Variants in LARP1 observed in about 807,000 individuals in gnomAD.
LARP1 encodes la-related protein 1.
In LARP1, 36 loss-of-function variants were observed where a neutral mutation model predicts 122.7. That is an observed-to-expected ratio of 0.29 (90% CI 0.22 to 0.39). The LOEUF is 0.39. LARP1 is among the 10% of genes least tolerant of loss of function. The pLI is 1.00. For synonymous variants in LARP1, 539 were observed against 528.7 expected (o/e 1.02, Z -0.27); for missense variants, 1,040 against 1,403.6 (o/e 0.74, Z 4.14).
chr5:154,692,164 C>A (rs1561528431), intron 1 of LARP1, among the ~76,000 whole-genome samples: 1 of 152,178 alleles, frequency 6.6e-6, no homozygotes, highest in Non-Finnish European at 1.5e-5. Flanking sequence ...CCCCTTAGAA[C>A]GGTGGAGAAG....
chr5:154,742,602 C>T (rs1343627979), intron 1 of LARP1, among the ~76,000 whole-genome samples: 2 of 151,584 alleles, frequency 1.3e-5, no homozygotes, highest in African/African-American at 2.4e-5. Context: ...AGGTGCCTTG[C>T]ACCTGTAGTT....
chr5:154,765,351 TC>T (rs1447380213), intron 1 of LARP1, among the ~76,000 whole-genome samples: 2 of 152,088 alleles, frequency 1.3e-5, no homozygotes, highest in Non-Finnish European at 2.9e-5. Flanking sequence ...CCTCTCTCCA[TC>T]CCTCTTACCC....
intron 1 of LARP1, among the ~76,000 whole-genome samples, chr5:154,785,290 G>C (rs936962427): frequency 2.0e-5 from 3 of 152,186 alleles, no homozygotes; most frequent in African/African-American, 7.2e-5. Context: ...TTGCAGTCTG[G>C]ACTGTATGAA....
At chr5:154,782,839 G>C (rs1756572434) in intron 1 of LARP1, among the ~76,000 whole-genome samples, 1 of 152,158 alleles carries the variant, frequency 6.6e-6, no homozygotes, top group Non-Finnish European at 1.5e-5. Context: ...AAGGTGAGGA[G>C]GGCTAACATG....
At chr5:154,801,708 T>C (rs1243360398) in intron 10 of LARP1, among the ~76,000 whole-genome samples, 1 of 152,190 alleles carries the variant, frequency 6.6e-6, no homozygotes, top group Non-Finnish European at 1.5e-5. Context: ...CTAGGTGCTA[T>C]GTAGGATATA....
chr5:154,732,198 AAAAAAAAG>A (rs1391399447), intron 1 of LARP1, among the ~76,000 whole-genome samples: 20 of 133,632 alleles, frequency 1.5e-4, no homozygotes, highest in East Asian at 3.3e-4. Context: ...ACAAAAAAAA[AAAAAAAAG>A]AAAGGTGAAT....
intron 1 of LARP1, among the ~76,000 whole-genome samples, chr5:154,775,411 T>A (rs1249391852): frequency 6.6e-6 from 1 of 151,608 alleles, no homozygotes; most frequent in African/African-American, 2.4e-5. Context: ...GAGGATCACC[T>A]GAACCCGGGG....
At chr5:154,779,586 G>A (rs1038027394) in intron 1 of LARP1, among the ~76,000 whole-genome samples, 2 of 144,210 alleles carry the variant, frequency 1.4e-5, no homozygotes, top group Middle Eastern at 3.6e-3. Context: ...TCGGCTCACC[G>A]CAACCTCCAC....
intron 15 of LARP1, among the ~76,000 whole-genome samples, chr5:154,807,898 A>G (rs976310742): frequency 1.3e-5 from 2 of 152,236 alleles, no homozygotes; most frequent in Non-Finnish European, 2.9e-5. Flanking sequence ...ATTAAGTTGT[A>G]GGAATTCCTT....
rs557735866 is a variant in LARP1 at position 154,766,904 on chromosome 5, A to G, written c.436+10711A>G. ...CCTTCCTCCTTTCAGAGAAGAGGGA[A>G]TATTTGGAACTGGAAGGGACTCAGA... On this transcript the variant is annotated intron_variant, in intron 1 of 18. Coordinates refer to ENST00000518297, the MANE Select transcript of LARP1 (RefSeq NM_033551.3). Among the ~76,000 whole-genome samples the G allele has an allele frequency of 1.3e-4, 20 of 152,314 alleles. No individual in the cohort carries two copies. In the South Asian group the frequency reaches 2.9e-3, roughly 22 times the overall value.
intron 1 of LARP1, among the ~76,000 whole-genome samples, chr5:154,696,385 C>T (rs951324127): frequency 5.3e-5 from 8 of 151,092 alleles, no homozygotes; most frequent in Non-Finnish European, 8.9e-5. Context: ...AACAACAAAA[C>T]CAAAGCAAAT....
At chr5:154,743,204 G>A (rs940366898) in intron 1 of LARP1, among the ~76,000 whole-genome samples, 12 of 152,048 alleles carry the variant, frequency 7.9e-5, no homozygotes, top group South Asian at 2.1e-4. Context: ...AAAAAAATCC[G>A]CTATCCACAG....
exon 1 of LARP1, chr5:154,712,924 C>T (rs780350575): frequency 6.2e-7 from 1 of 1,614,076 alleles, no homozygotes; most frequent in Non-Finnish European, 8.5e-7. Context: ...CCTGGTCACT[C>T]CATGCTTTGG....
intron 1 of LARP1, among the ~76,000 whole-genome samples, chr5:154,723,049 G>A (rs912577273): frequency 2.0e-5 from 3 of 152,202 alleles, no homozygotes; most frequent in African/African-American, 7.2e-5. Flanking sequence ...GAAGTGACTT[G>A]GCCAAGGTCA....
intron 1 of LARP1, among the ~76,000 whole-genome samples, chr5:154,702,075 G>A (rs1754747700): frequency 6.6e-6 from 1 of 152,082 alleles, no homozygotes; most frequent in Admixed American, 6.6e-5. Context: ...TGAGCCACTG[G>A]GTCTACTGTG....
At chr5:154,761,030 A>G (rs1210215291) in intron 1 of LARP1, among the ~76,000 whole-genome samples, 2 of 152,248 alleles carry the variant, frequency 1.3e-5, no homozygotes, top group Non-Finnish European at 2.9e-5. Context: ...TTAGTCTATT[A>G]CATAAGACTT....
At chr5:154,795,849 T>G (rs896649863) in intron 8 of LARP1, among the ~76,000 whole-genome samples, 5 of 135,580 alleles carry the variant, frequency 3.7e-5, no homozygotes, top group African/African-American at 1.4e-4. Context: ...TATATATTTA[T>G]ATATATTTTA....
At chr5:154,718,899 T>A (rs1755681985) in intron 1 of LARP1, among the ~76,000 whole-genome samples, 1 of 152,202 alleles carries the variant, frequency 6.6e-6, no homozygotes, top group Non-Finnish European at 1.5e-5. Flanking sequence ...GCCAATCTCC[T>A]TCTTACACAG....
Position 154,814,079 on chromosome 5 carries a change from C to G in LARP1, c.3274C>G (p.Gln1092Glu). 6.2e-7 allele frequency: 1 copy of G among 1,614,084 alleles called. No individual in the cohort carries two copies. Reference sequence around the variant, plus strand: ...ATGGACAAGCCAGCACTCGAACACACAGACTTTGGGAAAGTGAAAAGCTCC... The same window carrying G: ...ATGGACAAGCCAGCACTCGAACACAGAGACTTTGGGAAAGTGAAAAGCTCC... ...AKWTSQHSNTQTLGK is the reference protein window; with the variant it reads ...AKWTSQHSNTETLGK The change falls in exon 19 of 19, where the codon CAG (glutamine) becomes GAG (glutamate). Residue 1092 changes from glutamine (Q) to glutamate (E), a missense_variant. Around this residue, in one of 8 missense-constraint regions of LARP1, gnomAD observed 129 missense variants for 160.8 expected, o/e 0.80. Transcript: ENST00000518297.
Sources: gnomAD v4.1 joint callset for allele counts (sites outside exome capture counted in the v4.1 genomes callset) on GRCh38, gnomAD v4.1.1 for gene constraint, gnomAD v4.1.1 regional missense constraint, MANE v1.5 for transcripts, NCBI Gene and HGNC (gene_info 2026-07-23, HGNC 2026-07-21) for gene names.